Variants in KIF15 observed in about 807,000 individuals in gnomAD.
KIF15 encodes kinesin family member 15.
KIF15 carries 140 observed loss-of-function variants against 190.6 expected under a neutral mutation model. That is an observed-to-expected ratio of 0.73 (90% CI 0.64 to 0.84). The LOEUF (loss-of-function observed/expected upper bound fraction) is 0.84, where lower values mean the gene tolerates loss of function less well. KIF15 is among the 40% of genes least tolerant of loss of function. KIF15 has a pLI of 0.00. For missense variants in KIF15, 1,372 were observed against 1,584.4 expected (o/e 0.87, Z 2.28); for synonymous variants, 528 against 551.3 (o/e 0.96, Z 0.59).
intron 6 of KIF15, among the ~76,000 whole-genome samples, chr3:44,858,751 C>T (rs935136379): frequency 1.3e-5 from 2 of 152,158 alleles, no homozygotes; most frequent in Non-Finnish European, 2.9e-5. Context: ...GGTTTAGAAG[C>T]CTAGCCGTCA....
chr3:44,781,051 G>T, intron 5 of KIF15, 129 bp downstream of exon 5: 1 of 700,260 alleles, frequency 1.4e-6, no homozygotes, highest in Non-Finnish European at 2.4e-6. Context: ...AATTCCCTAG[G>T]CTTCTGCCAA....
downstream of KIF15, among the ~76,000 whole-genome samples, chr3:44,857,777 T>A (rs1699203237): frequency 6.6e-6 from 1 of 152,176 alleles, no homozygotes; most frequent in Admixed American, 6.5e-5. Context: ...TCAGACATGA[T>A]CGGCAGAGAG....
At chr3:44,822,268 T>C (rs1697381252) in intron 20 of KIF15, among the ~76,000 whole-genome samples, 1 of 152,182 alleles carries the variant, frequency 6.6e-6, no homozygotes, top group South Asian at 2.1e-4. Flanking sequence ...TTATGAATCT[T>C]AGTTTGGCTG....
chr3:44,805,610 C>T (rs1477129915), intron 15 of KIF15, among the ~76,000 whole-genome samples: 1 of 152,142 alleles, frequency 6.6e-6, no homozygotes, highest in African/African-American at 2.4e-5. Flanking sequence ...TAATCATGGA[C>T]TATTTGTTTG....
intron 1 of KIF15, among the ~76,000 whole-genome samples, chr3:44,773,425 C>A (rs375150527): frequency 1.8e-3 from 281 of 152,306 alleles, no homozygotes; most frequent in African/African-American, 6.4e-3. Flanking sequence ...CACCCCAGCC[C>A]CACCCAGAAG....
chr3:44,854,677 CAG>C (rs1285990946), downstream of KIF15, among the ~76,000 whole-genome samples: 2 of 152,116 alleles, frequency 1.3e-5, no homozygotes, highest in Non-Finnish European at 2.9e-5. Flanking sequence ...CTTAAAACAA[CAG>C]AAATCTATTT....
chr3:44,766,173 A>G (rs1211511009), intron 1 of KIF15, among the ~76,000 whole-genome samples: 1 of 152,174 alleles, frequency 6.6e-6, no homozygotes, highest in Non-Finnish European at 1.5e-5. Flanking sequence ...TTGCAAATGA[A>G]TTCAGCTCCT....
chr3:44,801,560 A>G (rs41289590), intron 12 of KIF15, 34 bp downstream of exon 12: 1 of 1,369,914 alleles, frequency 7.3e-7, no homozygotes, highest in Non-Finnish European at 1.0e-6. Flanking sequence ...AGGAGATTCA[A>G]GATAGTTAGT....
chr3:44,789,945 A>G (rs763548865), intron 7 of KIF15, among the ~76,000 whole-genome samples: 6 of 152,084 alleles, frequency 3.9e-5, no homozygotes, highest in Non-Finnish European at 8.8e-5. Flanking sequence ...TATTTTAAAA[A>G]GAATAATAAC....
chr3:44,852,569 C>G, intron 34 of KIF15, 104 bp from the exon 35 acceptor site: 1 of 895,480 alleles, frequency 1.1e-6, no homozygotes. Flanking sequence ...TTGAAAATTC[C>G]AGTCTTAATT....
At chr3:44,868,085 A>G (rs1699339390) in intron 6 of KIF15, among the ~76,000 whole-genome samples, 1 of 152,230 alleles carries the variant, frequency 6.6e-6, no homozygotes, top group East Asian at 1.9e-4. Flanking sequence ...CTCCAAAAGA[A>G]ATTCTCATAC....
intron 5 of KIF15, among the ~76,000 whole-genome samples, chr3:44,782,083 C>T (rs768194730): frequency 1.3e-5 from 2 of 151,750 alleles, no homozygotes; most frequent in Non-Finnish European, 2.9e-5. Context: ...GGAGCCTGCC[C>T]CTGTCGCCTA....
chr3:44,856,182 T>G (rs1045818408), downstream of KIF15, among the ~76,000 whole-genome samples: 2 of 151,336 alleles, frequency 1.3e-5, no homozygotes, highest in African/African-American at 4.8e-5. Context: ...GTGGGAAAGG[T>G]GTCTACCCAT....
intron 1 of KIF15, 61 bp downstream of exon 1, chr3:44,761,945 A>T (rs1398664153): frequency 4.3e-6 from 7 of 1,610,454 alleles, no homozygotes; most frequent in African/African-American, 4.0e-5. Context: ...CTGTGAAAGG[A>T]TGGCAGCCTC....
At chr3:44,838,010 G>A (rs1291234446) in intron 26 of KIF15, among the ~76,000 whole-genome samples, 1 of 152,180 alleles carries the variant, frequency 6.6e-6, no homozygotes, top group Non-Finnish European at 1.5e-5. Flanking sequence ...GGTGAGGAGA[G>A]AATGCAATTA....
At chr3:44,850,327 A>G (rs1055352874) in intron 32 of KIF15, among the ~76,000 whole-genome samples, 1 of 152,196 alleles carries the variant, frequency 6.6e-6, no homozygotes, top group African/African-American at 2.4e-5. Flanking sequence ...TTAGTGGTAA[A>G]GCTAAGTCAG....
intron 6 of KIF15, among the ~76,000 whole-genome samples, chr3:44,866,246 T>G (rs1575704037): frequency 6.6e-6 from 1 of 152,024 alleles, no homozygotes; most frequent in South Asian, 2.1e-4. Context: ...CTAATTTTTT[T>G]TATTTTTAGT....
Position 44,805,119 on chromosome 3 carries a change from G to C in KIF15, c.1780G>C (p.Glu594Gln). ...LKAQLLQIQTELNNSKQEYEE... is the reference protein window; with the variant it reads ...LKAQLLQIQTQLNNSKQEYEE... Reference sequence around the variant, plus strand: ...AGCACAACTCCTGCAAATTCAGACAGAGCTGAATAATTCAAAGCAAGAATA... The same window carrying C: ...AGCACAACTCCTGCAAATTCAGACACAGCTGAATAATTCAAAGCAAGAATA... Residue 594 changes from glutamate to glutamine, a missense_variant, in exon 15 of 35, where the codon GAG becomes CAG. By Grantham distance (29) the Glu-to-Gln change is conservative. Coordinates refer to ENST00000326047, the MANE Select transcript of KIF15 (RefSeq NM_020242.3). The C allele has an allele frequency of 6.2e-7, 1 of 1,613,492 alleles. No homozygotes were observed. The highest frequency in any genetic ancestry group is 8.5e-7 in the Non-Finnish European group (1 of 1,179,672).
intron 7 of KIF15, among the ~76,000 whole-genome samples, chr3:44,786,849 G>C (rs911432159): frequency 6.6e-6 from 1 of 152,116 alleles, no homozygotes; most frequent in African/African-American, 2.4e-5. Context: ...GGTTCCTCCT[G>C]GGAGATGCCT....
Sources: gnomAD v4.1 joint callset for allele counts (sites outside exome capture counted in the v4.1 genomes callset) on GRCh38, gnomAD v4.1.1 for gene constraint, MANE v1.5 for transcripts, NCBI Gene and HGNC (gene_info 2026-07-23, HGNC 2026-07-21) for gene names.